CCR8: variants seen among roughly 807,000 people sequenced by gnomAD.
CCR8 encodes the protein C-C motif chemokine receptor 8, also known as C-C chemokine receptor type 8.
For missense variants in CCR8, 358 were observed against 417.5 expected, an observed-to-expected ratio of 0.86 and a Z score of 1.24; for synonymous variants, 156 against 165.7, an observed-to-expected ratio of 0.94 and a Z score of 0.45.
In CCR8 at chr3:39,332,484, G is replaced by T; in HGVS notation, c.153G>T (p.Leu51=). Residue 51 remains leucine, a synonymous_variant, in exon 2 of 2, where the codon CTG becomes CTT. Coordinates refer to ENST00000326306, the MANE Select transcript of CCR8 (RefSeq NM_005201.4). ...FYCLLFVFSL[L]GNSLVILVLV... ...GCCTCCTGTTTGTATTCAGTCTTCT[G>T]GGAAACAGCCTGGTCATCCTGGTCC... 1 of 1,614,090 alleles carries T rather than the reference G, an allele frequency of 6.2e-7. No individual in the cohort carries two copies. Among genetic ancestry groups the T allele is most frequent in the African/African-American group, 1.3e-5 (1 of 74,994 alleles).
rs751935190 is a variant in CCR8 at position 39,333,072 on chromosome 3, T to G, written c.741T>G (p.Ser247=). 14 of 1,614,148 alleles carry G rather than the reference T, an allele frequency of 8.7e-6. No individual in the cohort carries two copies. The South Asian group carries it at 1.5e-4, about 18-fold the overall frequency. Residue 247 remains serine, a synonymous_variant, in exon 2 of 2, where the codon TCT becomes TCG. Coordinates refer to ENST00000326306, the MANE Select transcript of CCR8 (RefSeq NM_005201.4). ...TGGTGCTCATTGTGGTCATTGCATC[T>G]TTACTTTTCTGGGTCCCATTCAACG... ...IRLVLIVVIA[S]LLFWVPFNVV...
rs764480741 is a variant in CCR8 at position 39,333,371 on chromosome 3, G to C, written c.1040G>C (p.Arg347Pro). ...KSSSCQQHSS[R>P]SSSVDYIL ...TCATCCTGCCAGCAGCACTCCTCCC[G>C]TTCCTCCAGCGTAGACTACATTTTG... is the stretch of plus-strand genomic sequence containing the variant. Residue 347 changes from arginine to proline, a missense_variant, in exon 2 of 2, where the codon CGT becomes CCT. Physicochemically the swap from Arg to Pro is moderately radical, Grantham distance 103. Coordinates refer to ENST00000326306, the MANE Select transcript of CCR8 (RefSeq NM_005201.4). The C allele has an allele frequency of 6.2e-7, 1 of 1,613,544 alleles. No individual in the cohort carries two copies. The highest frequency in any genetic ancestry group is 2.2e-5 in the East Asian group (1 of 44,858).
Position 39,333,674 on chromosome 3 carries a change from T to G in CCR8, c.*275T>G, listed in dbSNP as rs1185276953. Reference sequence around the variant, plus strand: ...GAAAAAAAAAGATGTCTGACCTCCTTACATATGCAAAAATATACCTTCAGA... The same window carrying G: ...GAAAAAAAAAGATGTCTGACCTCCTGACATATGCAAAAATATACCTTCAGA... On this transcript the variant is annotated 3_prime_UTR_variant, in exon 2 of 2. Transcript: ENST00000326306. Among the ~76,000 whole-genome samples the G allele has an allele frequency of 6.6e-6, 1 of 152,116 alleles. No homozygotes were observed. Among genetic ancestry groups the G allele is most frequent in the Admixed American group, 6.5e-5 (1 of 15,270 alleles).
rs752372384 is a variant in CCR8, at chr3:39,332,466, G to C, written c.135G>C (p.Leu45=). The C allele has an allele frequency of 1.9e-6, 3 of 1,614,098 alleles. No homozygotes were observed. The highest frequency in any genetic ancestry group is 4.5e-5 in the East Asian group (2 of 44,872). The change falls in exon 2 of 2, where the codon CTG becomes CTC. Residue 45 remains leucine, a synonymous_variant. Transcript: ENST00000326306. The part of the protein sequence containing the change: ...KLLLAVFYCL[L]FVFSLLGNSL... ...TCCTTGCTGTCTTTTATTGCCTCCT[G>C]TTTGTATTCAGTCTTCTGGGAAACA... is the stretch of plus-strand genomic sequence containing the variant.
rs1168959135 is a variant in CCR8, at chr3:39,333,473, G to A, written c.*74G>A. 3 of 1,246,452 alleles carry A rather than the reference G, an allele frequency of 2.4e-6. No homozygotes were observed. The highest frequency in any genetic ancestry group is 2.5e-5 in the East Asian group (1 of 40,808). 77.2% of individuals were successfully genotyped at this position (1,246,452 alleles called of 1,614,324 possible). On this transcript the variant is annotated 3_prime_UTR_variant, in exon 2 of 2. Coordinates refer to ENST00000326306, the MANE Select transcript of CCR8 (RefSeq NM_005201.4). Reference sequence around the variant, plus strand: ...AGTAGCAGTGAGCAAAGGTGTGGGTGTGAAAGGTTTCCAAAAAAAGTTCAG... The same window carrying A: ...AGTAGCAGTGAGCAAAGGTGTGGGTATGAAAGGTTTCCAAAAAAAGTTCAG...
rs1287359943 is a variant in CCR8 at position 39,332,970 on chromosome 3, C to G, written c.639C>G (p.Ile213Met). 6.2e-7 allele frequency: 1 copy of G among 1,614,044 alleles called. No homozygotes were observed. Among genetic ancestry groups the G allele is most frequent in the Non-Finnish European group, 8.5e-7 (1 of 1,180,004 alleles). Reference protein sequence around the residue: ...NILGLLIPFTIFMFCYIKILH... With the variant: ...NILGLLIPFTMFMFCYIKILH... ...TAGGCTTGTTGATCCCATTCACCAT[C>G]TTTATGTTCTGCTACATTAAAATCC... The change falls in exon 2 of 2, where the codon ATC becomes ATG. Residue 213 changes from isoleucine to methionine, a missense_variant. Coordinates refer to ENST00000326306, the MANE Select transcript of CCR8 (RefSeq NM_005201.4).
chr3:39,332,443 C>A lies in CCR8; in HGVS notation c.112C>A (p.Leu38Ile). Reference protein sequence around the residue: ...ELIQTNGKLLLAVFYCLLFVF... With the variant: ...ELIQTNGKLLIAVFYCLLFVF... ...TATTCAGACAAATGGCAAGTTGCTC[C>A]TTGCTGTCTTTTATTGCCTCCTGTT... The change falls in exon 2 of 2, where the codon CTT (leucine) becomes ATT (isoleucine). Residue 38 changes from leucine to isoleucine, a missense_variant. By Grantham distance (5) the Leu-to-Ile change is conservative. Transcript: ENST00000326306. The A allele has an allele frequency of 1.9e-6, 3 of 1,614,062 alleles. No individual in the cohort carries two copies. Among genetic ancestry groups the A allele is most frequent in the Non-Finnish European group, 2.5e-6 (3 of 1,179,978 alleles).
chr3:39,330,507 C>T lies in CCR8; in HGVS notation c.-15+678C>T, dbSNP rs529587262. On this transcript the variant is annotated intron_variant, in intron 1 of 1. Coordinates refer to ENST00000326306, the MANE Select transcript of CCR8 (RefSeq NM_005201.4). ...AAACAAATGCCTTGGAAAAATATGTCTGGATTGAAATTGCATTGAATGTAT... is the reference window on the plus strand; with the variant it reads ...AAACAAATGCCTTGGAAAAATATGTTTGGATTGAAATTGCATTGAATGTAT... 2.6e-5 allele frequency among the ~76,000 whole-genome samples: 4 copies of T among 152,250 alleles called. No individual in the cohort carries two copies. The South Asian group carries it at 8.3e-4, about 32-fold the overall frequency.
chr3:39,330,531 A>G (rs1002246639), intron 1 of CCR8, among the ~76,000 whole-genome samples: 2 of 152,246 alleles, frequency 1.3e-5, no homozygotes, highest in Admixed American at 6.5e-5. Context: ...CATTGAATGT[A>G]TATATCAATT....
Position 39,332,850 on chromosome 3 carries a change from A to T in CCR8, c.519A>T (p.Gln173His), listed in dbSNP as rs1157293823. ...CCATCCCATTGCTAGTGTTTTACCA[A>T]GTGGCCTCTGAAGATGGTGTTCTAC... Reference protein sequence around the residue: ...MATIPLLVFYQVASEDGVLQC... With the variant: ...MATIPLLVFYHVASEDGVLQC... Residue 173 changes from glutamine (Q) to histidine (H), a missense_variant, in exon 2 of 2, where the codon CAA becomes CAT. Physicochemically the swap from Gln to His is conservative, Grantham distance 24. Transcript: ENST00000326306. The T allele has an allele frequency of 4.3e-6, 7 of 1,614,088 alleles. No homozygotes were observed. Among genetic ancestry groups the T allele is most frequent in the Non-Finnish European group, 5.9e-6 (7 of 1,180,032 alleles).
chr3:39,331,571 A>G (rs2041255895), intron 1 of CCR8, among the ~76,000 whole-genome samples: 1 of 151,968 alleles, frequency 6.6e-6, no homozygotes, highest in African/African-American at 2.4e-5. Flanking sequence ...GGTTCAAGAA[A>G]TTGTCGTGCC....
rs1023059271 is a variant in CCR8 at position 39,333,566 on chromosome 3, G to T, written c.*167G>T. The T allele has an allele frequency of 3.3e-6, 2 of 610,348 alleles. No individual in the cohort carries two copies. Among genetic ancestry groups the T allele is most frequent in the Non-Finnish European group, 5.9e-6 (2 of 338,030 alleles). 37.8% of individuals were successfully genotyped at this position (610,348 alleles called of 1,614,324 possible). A position where few individuals can be genotyped will look rare whatever the true frequency, so the allele number is the denominator to read the frequency against. On this transcript the variant is annotated 3_prime_UTR_variant, in exon 2 of 2. Transcript: ENST00000326306. ...AATGACTAAAGACATAGTTGTGCAT[G>T]CCTGGCACAACATCAAGCCTGTGAT...
chr3:39,332,474 T>G lies in CCR8; in HGVS notation c.143T>G (p.Phe48Cys). 1 of 1,614,136 alleles carries G rather than the reference T, an allele frequency of 6.2e-7. No individual in the cohort carries two copies. Among genetic ancestry groups the G allele is most frequent in the Non-Finnish European group, 8.5e-7 (1 of 1,180,022 alleles). ...LAVFYCLLFV[F>C]SLLGNSLVIL... ...GTCTTTTATTGCCTCCTGTTTGTAT[T>G]CAGTCTTCTGGGAAACAGCCTGGTC... The change falls in exon 2 of 2, where the codon TTC becomes TGC. Residue 48 changes from phenylalanine (F) to cysteine (C), a missense_variant. Phe to Cys is a radical substitution (Grantham distance 205, BLOSUM62 -2). Transcript: ENST00000326306.
rs560040565 is a variant in CCR8 at position 39,331,533 on chromosome 3, C to G, written c.-14-785C>G. ...CCAGGCTGGAGTACAGTGGCTTGAT[C>G]TCGAGTCATTGCAACCCCTGCTTCC... is the stretch of plus-strand genomic sequence containing the variant. On this transcript the variant is annotated intron_variant, in intron 1 of 1. Coordinates refer to ENST00000326306, the MANE Select transcript of CCR8 (RefSeq NM_005201.4). Among the ~76,000 whole-genome samples, 454 of 152,004 alleles carry G rather than the reference C, an allele frequency of 3.0e-3. 4 individuals carry two copies. Among genetic ancestry groups the G allele is most frequent in the Non-Finnish European group, 3.9e-3 (268 of 67,980 alleles).
rs766330781 is a variant in CCR8, at chr3:39,332,760, G to A, written c.429G>A (p.Lys143=). The A allele has an allele frequency of 6.2e-6, 10 of 1,614,034 alleles. No homozygotes were observed. The highest frequency in any genetic ancestry group is 8.5e-6 in the Non-Finnish European group (10 of 1,180,014). The change falls in exon 2 of 2, where the codon AAG becomes AAA. Residue 143 remains lysine, a synonymous_variant. Coordinates refer to ENST00000326306, the MANE Select transcript of CCR8 (RefSeq NM_005201.4). The stretch of plus-strand genomic sequence containing the variant: ...TTGTCCATGCCGTGTATGCCCTAAA[G>A]GTGAGGACGATCAGGATGGGCACAA... The part of the protein sequence containing the change: ...LAVVHAVYAL[K]VRTIRMGTTL...
rs751267843 is a variant in CCR8, at chr3:39,333,406, A to G, written c.*7A>G. The G allele has an allele frequency of 1.9e-5, 31 of 1,592,576 alleles. No individual in the cohort carries two copies. In the South Asian group the frequency reaches 2.9e-4, roughly 15 times the overall value. ...CGTAGACTACATTTTGTGAGGATCA[A>G]TGAAGACTAAATATAAAAAACATTT... On this transcript the variant is annotated 3_prime_UTR_variant, in exon 2 of 2. Transcript: ENST00000326306.
At chr3:39,331,536 G>A (rs573523743) in intron 1 of CCR8, among the ~76,000 whole-genome samples, 70 of 151,852 alleles carry the variant, frequency 4.6e-4, no homozygotes, top group African/African-American at 1.6e-3. Context: ...GCTTGATCTC[G>A]AGTCATTGCA....
Position 39,332,412 on chromosome 3 carries a change from G to A in CCR8, c.81G>A (p.Ala27=), listed in dbSNP as rs1388955298. Reference sequence around the variant, plus strand: ...ATATCTTCTCAAGCCCCTGTGATGCGGAACTTATTCAGACAAATGGCAAGT... The same window carrying A: ...ATATCTTCTCAAGCCCCTGTGATGCAGAACTTATTCAGACAAATGGCAAGT... ...YPDIFSSPCD[A]ELIQTNGKLL... Residue 27 remains alanine, a synonymous_variant, in exon 2 of 2, where the codon GCG becomes GCA. Transcript: ENST00000326306. 22 of 1,613,986 alleles carry A rather than the reference G, an allele frequency of 1.4e-5. 1 individual carries two copies. The Admixed American group carries it at 1.5e-4, about 11-fold the overall frequency.
intron 1 of CCR8, among the ~76,000 whole-genome samples, chr3:39,330,555 C>A (rs2041248270): frequency 6.6e-6 from 1 of 152,076 alleles, no homozygotes; most frequent in Non-Finnish European, 1.5e-5. Context: ...GAAGAATTGT[C>A]AAGTTTTATA....
Sources: gnomAD v4.1 joint callset for allele counts (sites outside exome capture counted in the v4.1 genomes callset) on GRCh38, gnomAD v4.1.1 for gene constraint, MANE v1.5 for transcripts, NCBI Gene and HGNC (gene_info 2026-07-23, HGNC 2026-07-21) for gene names.